Variants in HSPA4L observed in about 807,000 individuals in gnomAD.
The protein encoded by HSPA4L is heat shock 70 kDa protein 4L.
A neutral mutation model predicts 100.3 loss-of-function variants in HSPA4L; 48 were observed. The observed-to-expected ratio is 0.48, with a 90% CI of 0.38 to 0.61. The LOEUF is 0.61. HSPA4L is among the 20% of genes least tolerant of loss of function. The probability of loss-of-function intolerance (pLI) is 0.00; values close to 1 mark genes in which losing one functional copy is unlikely to be tolerated. For synonymous variants in HSPA4L, 319 were observed against 328.2 expected (o/e 0.97, Z 0.30); for missense variants, 886 against 988.6 (o/e 0.90, Z 1.39).
rs1390258518 is a variant in HSPA4L, at chr4:127,840,731, G to GA, written c.*7859dup. 6.6e-6 allele frequency: 1 copy of GA among 152,134 alleles called. No individual in the cohort carries two copies. 9.4% of individuals were successfully genotyped at this position (152,134 alleles called of 1,614,324 possible). A position where few individuals can be genotyped will look rare whatever the true frequency, so the allele number is the denominator to read the frequency against. On this transcript the variant is annotated 3_prime_UTR_variant, in exon 19 of 19. Transcript: ENST00000296464. Reference sequence around the variant, plus strand: ...TATGTCTACCTACTCCTTGAACCATGAATTTTGCACACCTGAGGTTTAATT... The same window carrying GA: ...TATGTCTACCTACTCCTTGAACCATGAAATTTTGCACACCTGAGGTTTAATT...
chr4:127,832,636 C>A, intron 18 of HSPA4L, 47 bp from the exon 19 acceptor site: 2 of 1,416,638 alleles, frequency 1.4e-6, no homozygotes, highest in South Asian at 1.4e-5. Flanking sequence ...TTAATGGTAA[C>A]TTGTTCTGTA....
intron 5 of HSPA4L, among the ~76,000 whole-genome samples, chr4:127,801,580 A>C (rs750252996): frequency 1.2e-4 from 19 of 152,012 alleles, no homozygotes; most frequent in Non-Finnish European, 2.4e-4. Context: ...ATGGCTTTAC[A>C]AATCTTTACT....
chr4:127,790,324 G>A (rs971375264), intron 1 of HSPA4L, among the ~76,000 whole-genome samples: 1 of 152,208 alleles, frequency 6.6e-6, no homozygotes, highest in East Asian at 1.9e-4. Context: ...TTGGGAGCAA[G>A]ATGAGTTATA....
chr4:127,829,274 G>A (rs1217799369), intron 17 of HSPA4L, among the ~76,000 whole-genome samples: 1 of 152,100 alleles, frequency 6.6e-6, no homozygotes, highest in South Asian at 2.1e-4. Flanking sequence ...GAAAATAGGG[G>A]TAAGTGTAGC....
In HSPA4L at chr4:127,804,106, A is replaced by G. The variant is rs903000469; in HGVS notation, c.985+19A>G. On this transcript the variant is annotated intron_variant, in intron 8 of 18. Coordinates refer to ENST00000296464, the MANE Select transcript of HSPA4L (RefSeq NM_014278.4). ...CAAGCTAGTAAGTGGAAATTACTGG[A>G]CTATCAAAACTGTACCATAATGTTG... The G allele has an allele frequency of 6.3e-7, 1 of 1,583,152 alleles. No individual in the cohort carries two copies. The highest frequency in any genetic ancestry group is 1.3e-5 in the African/African-American group (1 of 74,292).
chr4:127,786,611 G>C (rs962502050), intron 1 of HSPA4L, among the ~76,000 whole-genome samples: 2 of 152,126 alleles, frequency 1.3e-5, no homozygotes, highest in Non-Finnish European at 2.9e-5. Flanking sequence ...GACTACAGGT[G>C]CATGCCACCA....
Position 127,838,715 on chromosome 4 carries a change from T to C in HSPA4L, c.*5841T>C, listed in dbSNP as rs186644419. 2.0e-5 allele frequency: 3 copies of C among 152,324 alleles called. No individual in the cohort carries two copies. Among genetic ancestry groups the C allele is most frequent in the African/African-American group, 7.2e-5 (3 of 41,590 alleles). The allele number at this position is 152,324 out of a possible 1,614,324, so 9.4% of individuals were successfully genotyped here. A position where few individuals can be genotyped will look rare whatever the true frequency, so the allele number is the denominator to read the frequency against. On this transcript the variant is annotated 3_prime_UTR_variant, in exon 19 of 19. Coordinates refer to ENST00000296464, the MANE Select transcript of HSPA4L (RefSeq NM_014278.4). ...ATCTTTGTCTTTCCTTTATCTTGCTTTATCCTCTTATCCAATTCTAGACTC... is the reference window on the plus strand; with the variant it reads ...ATCTTTGTCTTTCCTTTATCTTGCTCTATCCTCTTATCCAATTCTAGACTC...
chr4:127,813,231 A>G (rs1043525309), intron 12 of HSPA4L: 6 of 998,834 alleles, frequency 6.0e-6, no homozygotes, highest in Non-Finnish European at 9.5e-6. Flanking sequence ...TGGCGGTTCC[A>G]GCCGAAAGGC....
intron 3 of HSPA4L, among the ~76,000 whole-genome samples, chr4:127,797,380 T>C (rs1391596445): frequency 3.9e-5 from 6 of 152,066 alleles, no homozygotes; most frequent in Non-Finnish European, 7.4e-5. Flanking sequence ...GCTTTGAGAA[T>C]AGGCTGAGAA....
rs185150018 is a variant in HSPA4L at position 127,814,434 on chromosome 4, C to T, written c.1578+2798C>T. ...TTTTTTTAATTTTTTTTTGAGCCAC[C>T]ATGCCCAGCCTAAATCTTTTAAATC... On this transcript the variant is annotated intron_variant, in intron 12 of 18. Transcript: ENST00000296464. Among the ~76,000 whole-genome samples the T allele has an allele frequency of 1.1e-3, 163 of 152,026 alleles. 1 individual carries two copies. Among genetic ancestry groups the T allele is most frequent in the Admixed American group, 5.9e-3 (90 of 15,272 alleles).
chr4:127,806,190 C>T (rs2148787612), intron 10 of HSPA4L, among the ~76,000 whole-genome samples: 1 of 152,026 alleles, frequency 6.6e-6, no homozygotes, highest in East Asian at 1.9e-4. Flanking sequence ...ATCTATAAAT[C>T]TCTAGTGCAA....
intron 16 of HSPA4L, among the ~76,000 whole-genome samples, chr4:127,825,089 G>A (rs1733915421): frequency 6.6e-6 from 1 of 151,514 alleles, no homozygotes; most frequent in Admixed American, 6.6e-5. Flanking sequence ...GCAGTGAGCT[G>A]AGATTGCGCC....
intron 12 of HSPA4L, among the ~76,000 whole-genome samples, chr4:127,816,440 G>A (rs1365825105): frequency 6.6e-6 from 1 of 151,986 alleles, no homozygotes; most frequent in African/African-American, 2.4e-5. Context: ...TGTTGATCAT[G>A]GCAATAGTCA....
chr4:127,813,972 G>A lies in HSPA4L; in HGVS notation c.1578+2336G>A, dbSNP rs556840907. On this transcript the variant is annotated intron_variant, in intron 12 of 18. Transcript: ENST00000296464. ...TTATCTTTTTTTAAGTATTTCTGCT[G>A]AGACCTTTAATTTTCTTTATATAAT... 4.1e-4 allele frequency among the ~76,000 whole-genome samples: 62 copies of A among 152,094 alleles called. No homozygotes were observed. The South Asian group carries it at 0.013, about 31-fold the overall frequency.
intron 7 of HSPA4L, 50 bp from the exon 8 acceptor site, chr4:127,803,961 C>T (rs201828036): frequency 6.4e-5 from 102 of 1,606,066 alleles, no homozygotes; most frequent in Middle Eastern, 1.7e-4. Context: ...TTAGAAGATA[C>T]GCTCAACTTT....
intron 9 of HSPA4L, 108 bp from the exon 10 acceptor site, chr4:127,805,578 TA>T: frequency 2.6e-6 from 2 of 755,570 alleles, no homozygotes; most frequent in South Asian, 3.0e-5. Context: ...CAGTAACTTT[TA>T]AAATGTAACA....
At chr4:127,809,070 GGGCGATTGGAAGGTGA>G in intron 11 of HSPA4L, 1 of 561,700 alleles carries the variant, frequency 1.8e-6, no homozygotes, top group Non-Finnish European at 3.2e-6. Flanking sequence ...ATGAAGGTGA[GGGCGATTGGAAGGTGA>G]GGCGGTCCCG....
chr4:127,814,406 C>CT (rs200783539), intron 12 of HSPA4L, among the ~76,000 whole-genome samples: 350 of 151,336 alleles, frequency 2.3e-3, no homozygotes, highest in African/African-American at 7.7e-3. Flanking sequence ...TATGTATTAT[C>CT]TTTTTTTTTA....
chr4:127,804,378 G>A (rs942772544), intron 8 of HSPA4L, among the ~76,000 whole-genome samples: 4 of 151,848 alleles, frequency 2.6e-5, no homozygotes, highest in Non-Finnish European at 4.4e-5. Context: ...GGCCGAGGTG[G>A]GTGGATCACC....
Sources: allele counts gnomAD v4.1 joint callset (sites outside exome capture counted in the v4.1 genomes callset), GRCh38; gene constraint gnomAD v4.1.1; transcripts MANE v1.5; gene names NCBI Gene and HGNC (gene_info 2026-07-23, HGNC 2026-07-21).